The following RPS6KA6 variants were observed in gnomAD, a reference collection of about 807,000 sequenced individuals.
RPS6KA6 encodes ribosomal protein S6 kinase A6, also known as ribosomal protein S6 kinase alpha-6.
A neutral mutation model predicts 65.4 loss-of-function variants in RPS6KA6; 27 were observed. The ratio of observed to expected loss-of-function variants is 0.41; its 90% CI spans 0.30 to 0.57. The LOEUF (loss-of-function observed/expected upper bound fraction) is 0.57, where lower values mean the gene tolerates loss of function less well. Among genes scored for constraint, RPS6KA6 ranks in the 20% least tolerant of loss-of-function variants. The pLI is 0.24. For synonymous variants in RPS6KA6, 190 were observed against 184.2 expected, an observed-to-expected ratio of 1.03 and a Z score of -0.26; for missense variants, 486 against 555.6, an observed-to-expected ratio of 0.87 and a Z score of 1.26.
chrX:84,159,126 C>A (rs2035469210), intron 2 of RPS6KA6, among the ~76,000 whole-genome samples: 1 of 110,715 alleles, frequency 9.0e-6, no homozygotes, highest in African/African-American at 3.3e-5. Context: ...ATTTCTACGC[C>A]ACTAGCTCTT....
chrX:84,155,251 C>T (rs778071433), intron 3 of RPS6KA6, among the ~76,000 whole-genome samples: 1 of 111,350 alleles, frequency 9.0e-6, no homozygotes, highest in Non-Finnish European at 1.9e-5. Flanking sequence ...TTCCAGAGCA[C>T]TATAAATAAC....
chrX:84,142,302 T>C (rs2035120214), intron 6 of RPS6KA6, among the ~76,000 whole-genome samples: 1 of 110,727 alleles, frequency 9.0e-6, no homozygotes, highest in African/African-American at 3.3e-5. Context: ...AATCATAAAG[T>C]ACACTGAACT....
At chrX:84,120,607 T>C (rs1363817910) in intron 8 of RPS6KA6, among the ~76,000 whole-genome samples, 1 of 111,344 alleles carries the variant, frequency 9.0e-6, no homozygotes, top group Middle Eastern at 4.7e-3. Flanking sequence ...ATAAAATATA[T>C]ATGCAAGAAT....
Position 84,134,937 on chromosome X carries a change from A to G in RPS6KA6, c.609-118T>C, listed in dbSNP as rs754987483. The G allele has an allele frequency of 1.0e-4, 62 of 612,395 alleles. No homozygotes were observed. In the African/African-American group the frequency reaches 1.4e-3, roughly 14 times the overall value. 50.5% of individuals were successfully genotyped at this position (612,395 alleles called of 1,213,427 possible). On this transcript the variant is annotated intron_variant, in intron 7 of 21. Coordinates refer to ENST00000262752, the MANE Select transcript of RPS6KA6 (RefSeq NM_014496.5). ...CTATTTAATATATGTAAAAAATTTA[A>G]ATGATTAACTTAAAGTCAATGTACG...
intron 2 of RPS6KA6, among the ~76,000 whole-genome samples, chrX:84,162,488 T>C (rs762053108): frequency 8.9e-6 from 1 of 111,877 alleles, no homozygotes; most frequent in African/African-American, 3.2e-5. Flanking sequence ...ACACTCTACC[T>C]TTTAGCCACT....
chrX:84,186,986 A>C (rs2035935446), intron 1 of RPS6KA6: 1 of 112,207 alleles, frequency 8.9e-6, no homozygotes. Context: ...ACCAAAGCCC[A>C]ACCAGAACAG....
chrX:84,107,161 T>C, intron 13 of RPS6KA6, 121 bp from the exon 14 acceptor site: 1 of 523,153 alleles, frequency 1.9e-6, no homozygotes, highest in South Asian at 4.7e-5. Flanking sequence ...ATATATTTGA[T>C]TTATTATATA....
chrX:84,071,989 T>C (rs778378096), intron 20 of RPS6KA6, among the ~76,000 whole-genome samples: 3 of 111,950 alleles, frequency 2.7e-5, no homozygotes, highest in Non-Finnish European at 5.6e-5. Flanking sequence ...CCTTCACTGC[T>C]GAATTCTTAA....
chrX:84,107,894 G>A (rs1480634542), intron 12 of RPS6KA6, among the ~76,000 whole-genome samples, 169 bp from the exon 13 acceptor site: 1 of 112,085 alleles, frequency 8.9e-6, no homozygotes, highest in Admixed American at 9.5e-5. Context: ...TAATGTTCAA[G>A]ATGTAATGAG....
At chrX:84,165,334 T>C (rs1252180973) in intron 1 of RPS6KA6, among the ~76,000 whole-genome samples, 3 of 110,908 alleles carry the variant, frequency 2.7e-5, no homozygotes, top group Non-Finnish European at 5.7e-5. Flanking sequence ...AATAAGCTCA[T>C]AAGCCTATCT....
At chrX:84,074,617 A>T (rs886589702) in intron 20 of RPS6KA6, among the ~76,000 whole-genome samples, 6 of 112,181 alleles carry the variant, frequency 5.3e-5, no homozygotes, top group African/African-American at 1.9e-4. Context: ...TTGAAACATC[A>T]CACTATACCT....
In RPS6KA6 at chrX:84,063,152, A is replaced by T. The variant is rs1362569911; in HGVS notation, c.*1125T>A. ...CTCAAATTTTTTGTAGACCATTAAT[A>T]TTATTCATATTTAAAATGTTAGTTT... On this transcript the variant is annotated 3_prime_UTR_variant, in exon 22 of 22. Transcript: ENST00000262752. 2 of 111,493 alleles carry T rather than the reference A, an allele frequency of 1.8e-5. No homozygotes were observed. The highest frequency in any genetic ancestry group is 3.8e-5 in the Non-Finnish European group (2 of 53,007). 9.2% of individuals were successfully genotyped at this position (111,493 alleles called of 1,213,427 possible).
intron 18 of RPS6KA6, among the ~76,000 whole-genome samples, chrX:84,099,215 A>G (rs751039428): frequency 9.0e-5 from 10 of 111,054 alleles, no homozygotes; most frequent in African/African-American, 2.9e-4. Context: ...CTTGCGCAGG[A>G]GGTGTCATAT....
At chrX:84,111,430 G>T (rs940701404) in intron 12 of RPS6KA6, among the ~76,000 whole-genome samples, 2 of 111,246 alleles carry the variant, frequency 1.8e-5, no homozygotes, top group East Asian at 2.8e-4. Flanking sequence ...AATCATAAAA[G>T]AAGCTAGAGA....
At chrX:84,064,911 C>T (rs2033367215) in intron 21 of RPS6KA6, 60 bp downstream of exon 21, 1 of 911,445 alleles carries the variant, frequency 1.1e-6, no homozygotes, top group African/African-American at 2.0e-5. Context: ...GCAAGTGGCA[C>T]ACAATGGGTT....
intron 9 of RPS6KA6, among the ~76,000 whole-genome samples, chrX:84,118,774 T>G (rs2034615341): frequency 8.9e-6 from 1 of 112,039 alleles, no homozygotes; most frequent in Non-Finnish European, 1.9e-5. Context: ...TAAAGATCTC[T>G]TTTGTCTTCC....
At chrX:84,099,506 C>T (rs2034220151) in intron 18 of RPS6KA6, among the ~76,000 whole-genome samples, 2 of 111,186 alleles carry the variant, frequency 1.8e-5, no homozygotes, top group South Asian at 3.7e-4. Flanking sequence ...CACAGAGCTC[C>T]TCATTCCTGT....
At chrX:84,119,358 T>C (rs2034625587) in intron 9 of RPS6KA6, among the ~76,000 whole-genome samples, 1 of 111,930 alleles carries the variant, frequency 8.9e-6, no homozygotes, top group Admixed American at 9.5e-5. Flanking sequence ...TACTGACTAC[T>C]GCAAATTCTA....
intron 20 of RPS6KA6, among the ~76,000 whole-genome samples, chrX:84,091,008 AGAG>A (rs2034033447): frequency 1.8e-5 from 2 of 112,034 alleles, no homozygotes; most frequent in South Asian, 7.4e-4. Context: ...TGGATTGAAA[AGAG>A]TACTAAACTG....
Sources: gnomAD v4.1 joint callset for allele counts (sites outside exome capture counted in the v4.1 genomes callset) on GRCh38, gnomAD v4.1.1 for gene constraint, MANE v1.5 for transcripts, NCBI Gene and HGNC (gene_info 2026-07-23, HGNC 2026-07-21) for gene names.